Variants in TET2 observed in about 807,000 individuals in gnomAD.
TET2 encodes tet methylcytosine dioxygenase 2.
Under a neutral mutation model 142.9 loss-of-function variants are expected in TET2, and 299 were observed. The observed-to-expected ratio is 2.09, with a 90% CI of 1.90 to 2.30. The LOEUF (loss-of-function observed/expected upper bound fraction) is 2.30, where lower values mean the gene tolerates loss of function less well. Among genes scored for constraint, TET2 ranks in the 30% most tolerant of loss-of-function variants. The pLI is 0.00. For missense variants in TET2, 2,418 were observed against 2,378.0 expected (o/e 1.02, Z -0.35); for synonymous variants, 819 against 849.0 (o/e 0.96, Z 0.61).
Position 105,261,822 on chromosome 4 carries a change from C to CT in TET2, c.4020dup (p.Ala1341CysfsTer3). 1 of 1,548,384 alleles carries CT rather than the reference C, an allele frequency of 6.5e-7. No individual in the cohort carries two copies. Among genetic ancestry groups the CT allele is most frequent in the Non-Finnish European group, 8.7e-7 (1 of 1,144,814 alleles). The stretch of plus-strand genomic sequence containing the variant: ...TCTTATGGCACCAACATATAAGAAA[C>CT]TTGCACCTGATGCATATAATAATCA... On this transcript the variant is annotated frameshift_variant, in exon 8 of 11. Coordinates refer to ENST00000380013, the MANE Select transcript of TET2 (RefSeq NM_001127208.3). LOFTEE classifies it high-confidence loss of function.
At chr4:105,197,599 T>C (rs7698522) in intron 2 of TET2, among the ~76,000 whole-genome samples, 19,556 of 152,098 alleles carry the variant, frequency 0.13, 1,436 homozygotes, top group African/African-American at 0.2. Flanking sequence ...TGTAGATCTC[T>C]AGAGAGCATT....
At chr4:105,209,965 C>A (rs1332866330) in intron 2 of TET2, among the ~76,000 whole-genome samples, 1 of 152,100 alleles carries the variant, frequency 6.6e-6, no homozygotes, top group African/African-American at 2.4e-5. Context: ...TTTGTGGGTT[C>A]TACAGACAAT....
rs777027345 is a variant in TET2 at position 105,272,874 on chromosome 4, G to C, written c.4493G>C (p.Arg1498Pro). The change falls in exon 10 of 11, where the codon CGT (arginine) becomes CCT (proline). Residue 1498 changes from arginine to proline, a missense_variant. Coordinates refer to ENST00000380013, the MANE Select transcript of TET2 (RefSeq NM_001127208.3). ...GAAAAGGAAAAGTCAGCCCCATCAC[G>C]TACAAAACAAACTGAAAACGCAAGC... is the stretch of plus-strand genomic sequence containing the variant. ...KNEKEKSAPSRTKQTENASQA... is the reference protein window; with the variant it reads ...KNEKEKSAPSPTKQTENASQA... 6.5e-7 allele frequency: 1 copy of C among 1,545,500 alleles called. No individual in the cohort carries two copies. The highest frequency in any genetic ancestry group is 2.0e-5 in the Admixed American group (1 of 49,376).
intron 1 of TET2, among the ~76,000 whole-genome samples, chr4:105,156,755 C>A (rs1210755242): frequency 2.0e-5 from 3 of 152,136 alleles, no homozygotes; most frequent in Non-Finnish European, 4.4e-5. Context: ...GAAGGGCACC[C>A]ATTAAATACC....
intron 2 of TET2, among the ~76,000 whole-genome samples, chr4:105,231,132 T>C (rs575655570): frequency 6.6e-6 from 1 of 152,288 alleles, no homozygotes; most frequent in African/African-American, 2.4e-5. Flanking sequence ...ATAGTAGCTT[T>C]GTTGCTTTTA....
intron 2 of TET2, among the ~76,000 whole-genome samples, chr4:105,193,495 TTA>T (rs758034016): frequency 2.0e-4 from 30 of 152,304 alleles, no homozygotes; most frequent in East Asian, 9.6e-4. Flanking sequence ...AGCTATATCA[TTA>T]TTTTTACAAA....
chr4:105,184,719 AGGTG>A (rs1445770181), intron 1 of TET2, among the ~76,000 whole-genome samples: 2 of 140,098 alleles, frequency 1.4e-5, no homozygotes, highest in African/African-American at 2.6e-5. Flanking sequence ...ACTTGCAGAG[AGGTG>A]TGTGTGTGTG....
At chr4:105,222,056 A>G (rs1324926976) in intron 2 of TET2, among the ~76,000 whole-genome samples, 1 of 150,760 alleles carries the variant, frequency 6.6e-6, no homozygotes, top group African/African-American at 2.5e-5. Flanking sequence ...ATCATTTTTT[A>G]TGGCTGCATA....
intron 2 of TET2, among the ~76,000 whole-genome samples, chr4:105,208,363 A>G (rs1307564200): frequency 6.6e-6 from 1 of 152,124 alleles, no homozygotes; most frequent in Non-Finnish European, 1.5e-5. Context: ...ATTTGTAAAC[A>G]ACCCAAATGG....
chr4:105,278,908 C>CCT lies in TET2; in HGVS notation c.*2390_*2391dup, dbSNP rs967651472. The CCT allele has an allele frequency of 4.3e-6, 1 of 232,818 alleles. No homozygotes were observed. Among genetic ancestry groups the CCT allele is most frequent in the African/African-American group, 2.2e-5 (1 of 45,322 alleles). The allele number at this position is 232,818 out of a possible 1,614,324, so 14.4% of individuals were successfully genotyped here. A position where few individuals can be genotyped will look rare whatever the true frequency, so the allele number is the denominator to read the frequency against. On this transcript the variant is annotated 3_prime_UTR_variant, in exon 11 of 11. Transcript: ENST00000380013. ...TGGACTTCCCTTAAACAGGCAAACACCTACAGGTATGGTGTGCAACAGATT... is the reference window on the plus strand; with the variant it reads ...TGGACTTCCCTTAAACAGGCAAACACCTCTACAGGTATGGTGTGCAACAGATT...
At chr4:105,166,347 A>G (rs1324928068) in intron 1 of TET2, among the ~76,000 whole-genome samples, 1 of 152,098 alleles carries the variant, frequency 6.6e-6, no homozygotes, top group Admixed American at 6.5e-5. Flanking sequence ...TCCTGTAAGC[A>G]TTCAATTTTT....
At position 105,160,342 on chromosome 4, in the gene TET2, A is replaced by C. The variant is rs1374560020; in HGVS notation, c.-193+13363A>C. 2.0e-5 allele frequency among the ~76,000 whole-genome samples: 3 copies of C among 152,222 alleles called. No individual in the cohort carries two copies. The East Asian group carries it at 5.8e-4, about 29-fold the overall frequency. ...ACAAAGCAAGTTGAAATAAAAAAAA[A>C]GGCATCAAAAATTTAAATGTCTAAC... On this transcript the variant is annotated intron_variant, in intron 1 of 10. Coordinates refer to ENST00000380013, the MANE Select transcript of TET2 (RefSeq NM_001127208.3).
Position 105,235,931 on chromosome 4 carries a change from CA to C in TET2, c.1993del (p.Thr665GlnfsTer35). On this transcript the variant is annotated frameshift_variant, in exon 3 of 11. Transcript: ENST00000380013. LOFTEE classifies it high-confidence loss of function. ...QKPSHQVHFS[K>X]TDHLPKAHVQ... The stretch of plus-strand genomic sequence containing the variant: ...AACCCTCACACCAGGTGCACTTCTC[CA>C]AAACAGACCATTTACCAAAAGCTCA... The C allele has an allele frequency of 1.2e-6, 2 of 1,614,108 alleles. No homozygotes were observed. The highest frequency in any genetic ancestry group is 8.5e-7 in the Non-Finnish European group (1 of 1,180,016).
intron 1 of TET2, among the ~76,000 whole-genome samples, chr4:105,170,146 T>C (rs983378902): frequency 6.6e-6 from 1 of 152,094 alleles, no homozygotes; most frequent in Non-Finnish European, 1.5e-5. Flanking sequence ...AATTGCATAG[T>C]TTATCAACCC....
Position 105,237,186 on chromosome 4 carries a change from G to T in TET2, c.3244G>T (p.Glu1082Ter). 1 of 1,614,090 alleles carries T rather than the reference G, an allele frequency of 6.2e-7. No homozygotes were observed. Among genetic ancestry groups the T allele is most frequent in the Non-Finnish European group, 8.5e-7 (1 of 1,180,016 alleles). The change falls in exon 3 of 11, where the codon GAG becomes TAG. Residue 1082 changes from glutamate to a stop codon, truncating the protein, a stop_gained. Coordinates refer to ENST00000380013, the MANE Select transcript of TET2 (RefSeq NM_001127208.3). LOFTEE classifies it high-confidence loss of function. ...ACTTGATAGCCACACCCCAGCTTTA[G>T]AGCAGCAAACAACTTCTTCAGAAAA... Reference protein sequence around the residue: ...AELDSHTPALEQQTTSSEKTP... With the variant: ...AELDSHTPAL
chr4:105,247,473 A>G (rs1049462892), intron 6 of TET2, among the ~76,000 whole-genome samples: 1 of 152,162 alleles, frequency 6.6e-6, no homozygotes, highest in Non-Finnish European at 1.5e-5. Flanking sequence ...TTCCTCTCAT[A>G]AAATTCTCTC....
At chr4:105,188,067 C>T (rs1048477353) in intron 1 of TET2, among the ~76,000 whole-genome samples, 6 of 152,136 alleles carry the variant, frequency 3.9e-5, no homozygotes, top group African/African-American at 1.4e-4. Context: ...CATTGTATAT[C>T]CATGTTTGTT....
Position 105,236,463 on chromosome 4 carries a change from G to GT in TET2, c.2524dup (p.Ser842PhefsTer4). 6.2e-7 allele frequency: 1 copy of GT among 1,614,112 alleles called. No individual in the cohort carries two copies. Among genetic ancestry groups the GT allele is most frequent in the Non-Finnish European group, 8.5e-7 (1 of 1,180,012 alleles). On this transcript the variant is annotated frameshift_variant, in exon 3 of 11. Coordinates refer to ENST00000380013, the MANE Select transcript of TET2 (RefSeq NM_001127208.3). LOFTEE classifies it high-confidence loss of function. ...TTCTTGTTCAAACAATACACACCTA[G>GT]TTTCAGAGAATAAAGAACAGACTAC...
chr4:105,248,115 C>T (rs909129049), intron 6 of TET2, among the ~76,000 whole-genome samples: 3 of 152,144 alleles, frequency 2.0e-5, no homozygotes, highest in Admixed American at 6.5e-5. Context: ...TTATATACAT[C>T]AGGAGACACA....
Sources: allele counts gnomAD v4.1 joint callset (sites outside exome capture counted in the v4.1 genomes callset), GRCh38; gene constraint gnomAD v4.1.1; transcripts MANE v1.5; gene names NCBI Gene and HGNC (gene_info 2026-07-23, HGNC 2026-07-21).